The following CCNB3 variants were observed in gnomAD, a reference collection of about 807,000 sequenced individuals.
CCNB3 encodes cyclin B3.
Under a neutral mutation model 68.0 loss-of-function variants are expected in CCNB3, and 12 were observed. The ratio of observed to expected loss-of-function variants is 0.18; its 90% CI spans 0.11 to 0.29. CCNB3 has a LOEUF of 0.29. Among genes scored for constraint, CCNB3 ranks in the 10% least tolerant of loss-of-function variants. The pLI is 1.00. For missense variants in CCNB3, 904 were observed against 993.1 expected (o/e 0.91, Z 1.21); for synonymous variants, 354 against 388.9 (o/e 0.91, Z 1.06).
chrX:50,303,811 C>A (rs782471159), intron 5 of CCNB3, among the ~76,000 whole-genome samples: 1 of 110,796 alleles, frequency 9.0e-6, no homozygotes, highest in Non-Finnish European at 1.9e-5. Context: ...TGATGATGTC[C>A]TTTGAAGTAC....
chrX:50,280,926 G>T (rs1271230363), intron 1 of CCNB3, among the ~76,000 whole-genome samples: 1 of 109,508 alleles, frequency 9.1e-6, no homozygotes, highest in African/African-American at 3.3e-5. Context: ...CGCTCCGACT[G>T]ATTTTTGTAT....
chrX:50,295,231 A>G (rs1557210709), intron 5 of CCNB3, among the ~76,000 whole-genome samples: 2 of 111,217 alleles, frequency 1.8e-5, no homozygotes, highest in Admixed American at 1.9e-4. Flanking sequence ...TTGCCAAAAG[A>G]CCTTGTGCTC....
intron 1 of CCNB3, among the ~76,000 whole-genome samples, chrX:50,279,063 ATATT>A (rs1239589372): frequency 1.7e-5 from 1 of 59,401 alleles, no homozygotes; most frequent in African/African-American, 7.3e-5. Context: ...TATATAGAAT[ATATT>A]TATAGAACAT....
chrX:50,208,301 G>A (rs73211786), intron 1 of CCNB3, among the ~76,000 whole-genome samples: 1 of 112,142 alleles, frequency 8.9e-6, no homozygotes, highest in Non-Finnish European at 1.9e-5. Context: ...TACTAGCCAA[G>A]GGCCAACCTT....
At chrX:50,279,247 TAC>T (rs1936025358) in intron 1 of CCNB3, among the ~76,000 whole-genome samples, 2 of 69,497 alleles carry the variant, frequency 2.9e-5, no homozygotes, top group African/African-American at 1.2e-4. Context: ...TGAATATATA[TAC>T]TATATATAAA....
intron 1 of CCNB3, among the ~76,000 whole-genome samples, chrX:50,226,891 A>G (rs1401379674): frequency 1.4e-5 from 1 of 72,810 alleles, no homozygotes; most frequent in East Asian, 3.7e-4. Context: ...TAGAATATAT[A>G]GTATATATAT....
intron 1 of CCNB3, among the ~76,000 whole-genome samples, chrX:50,284,186 C>A (rs745548047): frequency 9.0e-6 from 1 of 111,150 alleles, no homozygotes; most frequent in South Asian, 3.8e-4. Flanking sequence ...GTTTCTCCTC[C>A]ATCTTCCTTT....
chrX:50,324,469 G>A (rs1569543238), intron 8 of CCNB3, among the ~76,000 whole-genome samples: 1 of 112,034 alleles, frequency 8.9e-6, no homozygotes, highest in Non-Finnish European at 1.9e-5. Flanking sequence ...ATTGCGTGAT[G>A]TGTTATCTTC....
chrX:50,215,478 G>T (rs1935557320), intron 1 of CCNB3, among the ~76,000 whole-genome samples: 2 of 109,540 alleles, frequency 1.8e-5, no homozygotes, highest in Admixed American at 2.0e-4. Flanking sequence ...TTTGCGGGGG[G>T]ATCGTGTTCT....
At chrX:50,303,503 T>C (rs1378512335) in intron 5 of CCNB3, among the ~76,000 whole-genome samples, 1 of 109,340 alleles carries the variant, frequency 9.1e-6, no homozygotes, top group Non-Finnish European at 1.9e-5. Flanking sequence ...TGGTATCTCA[T>C]TGTGGTTTTT....
chrX:50,227,016 A>G (rs1330465065), intron 1 of CCNB3, among the ~76,000 whole-genome samples: 1 of 79,624 alleles, frequency 1.3e-5, no homozygotes, highest in East Asian at 3.6e-4. Flanking sequence ...GAAAATATAT[A>G]AAATATATAT....
intron 1 of CCNB3, among the ~76,000 whole-genome samples, chrX:50,226,230 T>TATATTTATATATATAGAATATAC (rs1935776048): frequency 1.5e-5 from 1 of 68,706 alleles, no homozygotes; most frequent in African/African-American, 6.2e-5. Flanking sequence ...ATAGAATATA[T>TATATTTATATATATAGAATATAC]ATATTTATAT....
intron 9 of CCNB3, among the ~76,000 whole-genome samples, chrX:50,345,225 G>A (rs1435342952): frequency 5.7e-5 from 6 of 105,891 alleles, no homozygotes; most frequent in African/African-American, 2.1e-4. Flanking sequence ...CTGTCCCTTC[G>A]TCCTGTGCCA....
rs1436162077 is a variant in CCNB3 at position 50,298,522 on chromosome X, G to A, written c.335+3529G>A. On this transcript the variant is annotated intron_variant, in intron 5 of 12. Coordinates refer to ENST00000376042, the MANE Select transcript of CCNB3 (RefSeq NM_033031.3). ...GGATAAGCTTTTTGCTGTGCTGCTG[G>A]ATTCCTTTTGCCAGTATTTTATTGA... 2.7e-5 allele frequency among the ~76,000 whole-genome samples: 3 copies of A among 111,830 alleles called. No individual in the cohort carries two copies. The East Asian group carries it at 8.4e-4, about 31-fold the overall frequency.
chrX:50,220,854 G>A (rs2146986371), intron 1 of CCNB3, among the ~76,000 whole-genome samples: 2 of 111,645 alleles, frequency 1.8e-5, no homozygotes, highest in East Asian at 5.6e-4. Context: ...AATGGTACCA[G>A]CTCCTGTTTG....
chrX:50,314,871 G>A (rs1363253642), intron 8 of CCNB3, among the ~76,000 whole-genome samples: 1 of 111,449 alleles, frequency 9.0e-6, no homozygotes, highest in African/African-American at 3.3e-5. Flanking sequence ...ATTCTCATTA[G>A]TAATGTAAAT....
At chrX:50,345,422 C>T (rs1923351639) in intron 9 of CCNB3, among the ~76,000 whole-genome samples, 1 of 107,078 alleles carries the variant, frequency 9.3e-6, no homozygotes, top group South Asian at 4.5e-4. Context: ...CTCCCTCCCT[C>T]GGTGGCTTGC....
intron 1 of CCNB3, among the ~76,000 whole-genome samples, chrX:50,226,748 T>C (rs1300095220): frequency 1.2e-5 from 1 of 80,318 alleles, no homozygotes; most frequent in Non-Finnish European, 2.2e-5. Flanking sequence ...GTACATAGAA[T>C]ATACATATGA....
At chrX:50,294,539 A>G (rs1452211905) in intron 4 of CCNB3, among the ~76,000 whole-genome samples, 3 of 111,671 alleles carry the variant, frequency 2.7e-5, no homozygotes, top group African/African-American at 9.8e-5. Flanking sequence ...TTAACACGGC[A>G]TATTTTCAGT....
Sources: allele counts gnomAD v4.1 joint callset (sites outside exome capture counted in the v4.1 genomes callset), GRCh38; gene constraint gnomAD v4.1.1; transcripts MANE v1.5; gene names NCBI Gene and HGNC (gene_info 2026-07-23, HGNC 2026-07-21).